SLC16A9: variants seen among roughly 807,000 people sequenced by gnomAD.
The protein encoded by SLC16A9 is monocarboxylate transporter 9.
In SLC16A9, 26 loss-of-function variants were observed where a neutral mutation model predicts 44.3. The ratio of observed to expected loss-of-function variants is 0.59; its 90% CI spans 0.43 to 0.81. SLC16A9 has a LOEUF of 0.81. Ranked by LOEUF, SLC16A9 falls within the 40% of genes least tolerant of loss-of-function variation. SLC16A9 has a pLI of 0.00. For missense variants in SLC16A9, 559 were observed against 595.8 expected (o/e 0.94, Z 0.64); for synonymous variants, 230 against 225.1 (o/e 1.02, Z -0.19).
At chr10:59,704,000 C>T (rs1840584630) in intron 1 of SLC16A9, among the ~76,000 whole-genome samples, 1 of 152,124 alleles carries the variant, frequency 6.6e-6, no homozygotes, top group Non-Finnish European at 1.5e-5. Context: ...GGATGACAGG[C>T]GTGAGCCACT....
intron 4 of SLC16A9, among the ~76,000 whole-genome samples, chr10:59,656,992 A>C (rs1251912429): frequency 6.6e-6 from 1 of 152,228 alleles, no homozygotes; most frequent in Non-Finnish European, 1.5e-5. Flanking sequence ...CTAGGGGTCA[A>C]TAACTTCCCG....
At chr10:59,670,515 G>T (rs1839722379) in intron 3 of SLC16A9, among the ~76,000 whole-genome samples, 2 of 152,160 alleles carry the variant, frequency 1.3e-5, no homozygotes, top group Admixed American at 1.3e-4. Flanking sequence ...AACCCACATG[G>T]TCTAACCCCA....
At chr10:59,678,540 C>CTTTCTTTTTTTTTTTTTTTTTTTT (rs1839910606) in intron 2 of SLC16A9, among the ~76,000 whole-genome samples, 1 of 22,332 alleles carries the variant, frequency 4.5e-5, no homozygotes, top group African/African-American at 9.7e-5. Context: ...TTTTCTTTTT[C>CTTTCTTTTTTTTTTTTTTTTTTTT]TTTTTCTTTT....
At chr10:59,707,933 C>T (rs923752672) in intron 1 of SLC16A9, among the ~76,000 whole-genome samples, 1 of 152,188 alleles carries the variant, frequency 6.6e-6, no homozygotes, top group Non-Finnish European at 1.5e-5. Flanking sequence ...TTCCTAATGT[C>T]TTGATCTACC....
chr10:59,688,773 C>G (rs926180575), intron 1 of SLC16A9, among the ~76,000 whole-genome samples: 1 of 150,986 alleles, frequency 6.6e-6, no homozygotes, highest in Non-Finnish European at 1.5e-5. Context: ...CGAGATTGTC[C>G]TTCATTCAAA....
chr10:59,694,038 G>C (rs1304377775), intron 1 of SLC16A9, among the ~76,000 whole-genome samples: 15 of 149,774 alleles, frequency 1.0e-4, no homozygotes, highest in African/African-American at 3.4e-4. Context: ...CCCGGGTTCA[G>C]GCCATTCTCC....
At chr10:59,698,831 G>A (rs909067468) in intron 1 of SLC16A9, among the ~76,000 whole-genome samples, 2 of 151,412 alleles carry the variant, frequency 1.3e-5, no homozygotes, top group African/African-American at 2.4e-5. Context: ...TCCACCTCCC[G>A]GGTTCAAGCA....
At chr10:59,701,345 C>T (rs715941) in intron 1 of SLC16A9, among the ~76,000 whole-genome samples, 57,279 of 152,012 alleles carry the variant, frequency 0.38, 11,535 homozygotes, top group Middle Eastern at 0.52. Context: ...GGGCATCTGC[C>T]GAGCTGCTCC....
intron 3 of SLC16A9, among the ~76,000 whole-genome samples, chr10:59,664,754 A>G (rs1338310469): frequency 6.6e-6 from 1 of 152,158 alleles, no homozygotes; most frequent in Non-Finnish European, 1.5e-5. Flanking sequence ...AATACACTTG[A>G]TCACTCAAAG....
chr10:59,665,207 C>T (rs1839582094), intron 3 of SLC16A9, among the ~76,000 whole-genome samples: 1 of 152,082 alleles, frequency 6.6e-6, no homozygotes, highest in Admixed American at 6.6e-5. Flanking sequence ...TCTCCGTTGG[C>T]CCTCAGTCAT....
At chr10:59,666,062 G>A (rs1439716968) in intron 3 of SLC16A9, among the ~76,000 whole-genome samples, 1 of 152,048 alleles carries the variant, frequency 6.6e-6, no homozygotes, top group Non-Finnish European at 1.5e-5. Flanking sequence ...TTGGGAGGCC[G>A]AGGTGGGAGG....
rs62636304 is a variant in SLC16A9 at position 59,681,666 on chromosome 10, G to A, written c.196+2430C>T. On this transcript the variant is annotated intron_variant, in intron 2 of 5. Transcript: ENST00000395348. ...GTATGTGTATGTATATGTATATGATGTATATGTATATGTATATGTATATGT... is the reference window on the plus strand; with the variant it reads ...GTATGTGTATGTATATGTATATGATATATATGTATATGTATATGTATATGT... Among the ~76,000 whole-genome samples the A allele has an allele frequency of 0.058, 119 of 2,050 alleles. 43 individuals are homozygous for A. In the South Asian group the frequency reaches 0.67, roughly 11 times the overall value. The allele number at this position is 2,050 out of a possible 152,430, so 1.3% of individuals were successfully genotyped here.
At chr10:59,667,119 A>G (rs1008906658) in intron 3 of SLC16A9, among the ~76,000 whole-genome samples, 1 of 152,234 alleles carries the variant, frequency 6.6e-6, no homozygotes, top group Non-Finnish European at 1.5e-5. Context: ...ATCTACTCAA[A>G]GCACAAAATA....
In SLC16A9 at chr10:59,697,102, G is replaced by A. The variant is rs186622040; in HGVS notation, c.-37+12377C>T. Reference sequence around the variant, plus strand: ...CCCCGCCAGCCGCCCTGTCCGGGAGGGAGGTGGGGGGGTTCAGCCCCCCGC... The same window carrying A: ...CCCCGCCAGCCGCCCTGTCCGGGAGAGAGGTGGGGGGGTTCAGCCCCCCGC... On this transcript the variant is annotated intron_variant, in intron 1 of 5. Transcript: ENST00000395348. 8.7e-3 allele frequency among the ~76,000 whole-genome samples: 863 copies of A among 99,736 alleles called. 178 individuals are homozygous for A. The highest frequency in any genetic ancestry group is 0.029 in the African/African-American group (793 of 27,026). 65.4% of individuals were successfully genotyped at this position (99,736 alleles called of 152,430 possible). A position where few individuals can be genotyped will look rare whatever the true frequency, so the allele number is the denominator to read the frequency against.
intron 1 of SLC16A9, among the ~76,000 whole-genome samples, chr10:59,705,995 A>C (rs1456143464): frequency 4.6e-5 from 7 of 152,170 alleles, no homozygotes; most frequent in Non-Finnish European, 1.0e-4. Context: ...TCCTATAAAC[A>C]CACTAGACTT....
intron 4 of SLC16A9, among the ~76,000 whole-genome samples, chr10:59,662,498 G>T (rs1330092404): frequency 2.0e-5 from 3 of 151,468 alleles, no homozygotes; most frequent in Non-Finnish European, 4.4e-5. Flanking sequence ...AGCTGGGCGT[G>T]GTGGCAGGCA....
At chr10:59,691,249 T>C (rs1735362048) in intron 1 of SLC16A9, among the ~76,000 whole-genome samples, 1 of 152,234 alleles carries the variant, frequency 6.6e-6, no homozygotes, top group Non-Finnish European at 1.5e-5. Flanking sequence ...TACATTCTAG[T>C]AAACTATTTG....
intron 1 of SLC16A9, among the ~76,000 whole-genome samples, chr10:59,702,568 G>A (rs1840548490): frequency 6.6e-6 from 1 of 152,158 alleles, no homozygotes; most frequent in Admixed American, 6.5e-5. Flanking sequence ...GTACTCAAAT[G>A]CTTCCTTCTC....
At chr10:59,662,590 C>T (rs533437761) in intron 4 of SLC16A9, among the ~76,000 whole-genome samples, 30 of 134,006 alleles carry the variant, frequency 2.2e-4, no homozygotes, top group East Asian at 6.4e-4. Flanking sequence ...GCTGAGATTG[C>T]GCCACTGCAC....
Sources: allele counts gnomAD v4.1 joint callset (sites outside exome capture counted in the v4.1 genomes callset), GRCh38; gene constraint gnomAD v4.1.1; transcripts MANE v1.5; gene names NCBI Gene and HGNC (gene_info 2026-07-23, HGNC 2026-07-21).